Variants in SNHG17 observed in about 807,000 individuals in gnomAD.
The protein encoded by SNHG17 is small nucleolar RNA host gene 17 (non-protein coding).
At chr20:38,434,451 T>A (rs994678009) in intron 2 of SNHG17, 3 of 176,500 alleles carry the variant, frequency 1.7e-5, no homozygotes, top group African/African-American at 7.2e-5. Flanking sequence ...TCCCCTCTAC[T>A]GCGTCCCACA....
At chr20:38,425,215 G>A (rs746328800) in intron 5 of SNHG17, 5 of 519,070 alleles carry the variant, frequency 9.6e-6, no homozygotes, top group African/African-American at 1.9e-5. Flanking sequence ...AAGCTCCAGA[G>A]TTTGGAAGGG....
chr20:38,429,167 C>G (rs2084296821), intron 3 of SNHG17: 1 of 153,244 alleles, frequency 6.5e-6, no homozygotes, highest in Admixed American at 6.5e-5. Flanking sequence ...CTCCCGGGCT[C>G]AAGAGAGCCT....
At chr20:38,435,149 C>T in intron 1 of SNHG17, 1 of 1,232,332 alleles carries the variant, frequency 8.1e-7, no homozygotes, top group Non-Finnish European at 1.0e-6. Context: ...CCTCAGTTTC[C>T]CCCGATGGTG....
At chr20:38,434,421 C>T (rs946371149) in intron 2 of SNHG17, 1 of 199,136 alleles carries the variant, frequency 5.0e-6, no homozygotes, top group African/African-American at 2.4e-5. Context: ...GAACTCAGAA[C>T]TGGCTGAGCT....
chr20:38,423,696 C>T (rs1336565511), intron 5 of SNHG17, among the ~76,000 whole-genome samples: 4 of 151,892 alleles, frequency 2.6e-5, no homozygotes, highest in Non-Finnish European at 4.4e-5. Context: ...AGGGCTCACG[C>T]ACAACATAAG....
rs1032836545 is a variant in SNHG17 at position 38,432,221 on chromosome 20, T to C, written n.309-1109A>G. On this transcript the variant is annotated intron_variant and non_coding_transcript_variant, in intron 2 of 8. Transcript: ENST00000654008. ...GGCTAGTGTTAACAGTGGTCTACGG[T>C]CTCAGCAACACGAAGAGTTCATCTA... The C allele has an allele frequency of 2.9e-5, 27 of 945,040 alleles. No homozygotes were observed. In the African/African-American group the frequency reaches 4.6e-4, roughly 16 times the overall value. 58.5% of individuals were successfully genotyped at this position (945,040 alleles called of 1,614,324 possible).
At chr20:38,426,428 A>G (rs558216878) in exon 4 of SNHG17, 19 of 156,576 alleles carry the variant, frequency 1.2e-4, no homozygotes, top group Admixed American at 1.1e-3. Context: ...CCTTACAAGC[A>G]CCGCAGCTCA....
At chr20:38,423,753 A>T (rs2084198477) in intron 5 of SNHG17, among the ~76,000 whole-genome samples, 1 of 152,054 alleles carries the variant, frequency 6.6e-6, no homozygotes, top group South Asian at 2.1e-4. Flanking sequence ...CACACTAAAA[A>T]CGGTGACTAT....
intron 2 of SNHG17, among the ~76,000 whole-genome samples, chr20:38,432,688 T>G (rs926399117): frequency 6.6e-6 from 1 of 152,178 alleles, no homozygotes; most frequent in African/African-American, 2.4e-5. Flanking sequence ...CCTGTCACCT[T>G]ACAACTGAAG....
intron 2 of SNHG17, chr20:38,432,121 G>A (rs904830116): frequency 6.9e-5 from 68 of 985,308 alleles, no homozygotes; most frequent in Non-Finnish European, 7.8e-5. Flanking sequence ...ACATCACCTG[G>A]TCAAACCCGT....
chr20:38,432,209 A>C (rs1253091338), intron 2 of SNHG17: 5 of 977,694 alleles, frequency 5.1e-6, no homozygotes, highest in Non-Finnish European at 6.1e-6. Context: ...TAGTGTTAAC[A>C]GTGGTCTACG....
intron 3 of SNHG17, chr20:38,429,763 A>C (rs767083744): frequency 3.9e-6 from 2 of 517,482 alleles, no homozygotes; most frequent in Non-Finnish European, 7.7e-6. Flanking sequence ...ACTACCAATG[A>C]CCAGGGCACG....
At chr20:38,429,521 C>T (rs986546838) in intron 3 of SNHG17, 5 of 288,410 alleles carry the variant, frequency 1.7e-5, no homozygotes, top group South Asian at 5.8e-5. Context: ...CCACACCCAG[C>T]CCTTCTGCTC....
intron 5 of SNHG17, chr20:38,425,196 C>T (rs756397684): frequency 3.9e-6 from 2 of 518,868 alleles, no homozygotes; most frequent in Admixed American, 3.9e-5. Context: ...AGAATAAAGG[C>T]ATGTACGAAA....
intron 5 of SNHG17, among the ~76,000 whole-genome samples, chr20:38,423,191 G>A (rs1251242542): frequency 1.3e-5 from 2 of 151,570 alleles, no homozygotes; most frequent in African/African-American, 4.8e-5. Flanking sequence ...AAGCCCAGGA[G>A]TTGGAGACCA....
intron 3 of SNHG17, among the ~76,000 whole-genome samples, chr20:38,430,084 AGGCAGGTGGATCATCTGAG>A (rs1186639801): frequency 2.0e-5 from 3 of 152,144 alleles, no homozygotes; most frequent in African/African-American, 7.2e-5. Context: ...TGGGAGGCTG[AGGCAGGTGGATCATCTGAG>A]GTCAGGAGCT....
At chr20:38,434,080 G>A in intron 2 of SNHG17, 1 of 486,724 alleles carries the variant, frequency 2.1e-6, no homozygotes, top group African/African-American at 1.9e-5. Flanking sequence ...GGAAGAGAAG[G>A]GTACCCAGGA....
At chr20:38,430,547 G>A (rs943977456) in intron 3 of SNHG17, among the ~76,000 whole-genome samples, 16 of 151,992 alleles carry the variant, frequency 1.1e-4, no homozygotes, top group African/African-American at 3.4e-4. Flanking sequence ...ACTTGAACCC[G>A]GGAGGCAGAG....
At chr20:38,428,343 C>T (rs1451007310) in intron 3 of SNHG17, 1 of 152,186 alleles carries the variant, frequency 6.6e-6, no homozygotes, top group South Asian at 2.1e-4. Flanking sequence ...TAGGACATGG[C>T]TCCTCTTCTC....
Sources: allele counts gnomAD v4.1 joint callset (sites outside exome capture counted in the v4.1 genomes callset), GRCh38; gene constraint gnomAD v4.1.1; transcripts MANE v1.5; gene names NCBI Gene and HGNC (gene_info 2026-07-23, HGNC 2026-07-21).